The following DCLK1 variants were observed in gnomAD, a reference collection of about 807,000 sequenced individuals.
DCLK1 encodes serine/threonine-protein kinase DCLK1.
In DCLK1, 16 loss-of-function variants were observed where a neutral mutation model predicts 86.2. That is an observed-to-expected ratio of 0.19 (90% CI 0.13 to 0.28). The LOEUF (loss-of-function observed/expected upper bound fraction) is 0.28. Among genes scored for constraint, DCLK1 ranks in the 10% least tolerant of loss-of-function variants. The probability of loss-of-function intolerance (pLI) is 1.00; values close to 1 mark genes in which losing one functional copy is unlikely to be tolerated. For missense variants in DCLK1, 590 were observed against 940.2 expected (o/e 0.63, Z 4.87); for synonymous variants, 369 against 370.5 (o/e 1.00, Z 0.05).
chr13:35,941,689 CA>C (rs60590182), intron 4 of DCLK1, among the ~76,000 whole-genome samples: 3,659 of 152,306 alleles, frequency 0.024, 186 homozygotes, highest in East Asian at 0.22. Flanking sequence ...ATAAACACAG[CA>C]AACATACAAA....
At chr13:36,054,928 A>G (rs2153157908) in intron 3 of DCLK1, among the ~76,000 whole-genome samples, 1 of 152,312 alleles carries the variant, frequency 6.6e-6, no homozygotes, top group African/African-American at 2.4e-5. Context: ...GATATGAACC[A>G]TGGCATCATG....
At chr13:36,098,317 C>T (rs150890544) in intron 3 of DCLK1, among the ~76,000 whole-genome samples, 42 of 152,312 alleles carry the variant, frequency 2.8e-4, no homozygotes, top group African/African-American at 1.0e-3. Context: ...TGATTCATTA[C>T]ACAAGGTGTT....
chr13:35,825,808 CTTTTCT>C (rs1056156355), intron 10 of DCLK1, among the ~76,000 whole-genome samples: 1 of 115,258 alleles, frequency 8.7e-6, no homozygotes, highest in South Asian at 3.2e-4. Context: ...ATGAAATCGA[CTTTTCT>C]TTTTTATTTT....
At chr13:36,072,522 T>C (rs190742975) in intron 3 of DCLK1, among the ~76,000 whole-genome samples, 2 of 152,358 alleles carry the variant, frequency 1.3e-5, no homozygotes, top group Admixed American at 1.3e-4. Flanking sequence ...CAGACTTCTT[T>C]CCTGAATTCC....
intron 3 of DCLK1, among the ~76,000 whole-genome samples, chr13:36,002,980 C>T (rs1285558598): frequency 6.6e-6 from 1 of 152,208 alleles, no homozygotes; most frequent in East Asian, 1.9e-4. Flanking sequence ...CTCTCCTCTC[C>T]ATGTGACCAA....
intron 16 of DCLK1, among the ~76,000 whole-genome samples, chr13:35,785,713 C>CAGCA (rs2086609270): frequency 6.6e-6 from 1 of 152,146 alleles, no homozygotes; most frequent in African/African-American, 2.4e-5. Flanking sequence ...GTTCGGCTTA[C>CAGCA]AGCAGTAAAA....
At chr13:35,950,643 T>C (rs2153134112) in intron 3 of DCLK1, among the ~76,000 whole-genome samples, 1 of 152,336 alleles carries the variant, frequency 6.6e-6, no homozygotes, top group South Asian at 2.1e-4. Context: ...CATGAATTCA[T>C]TGCTCAGTAG....
intron 3 of DCLK1, among the ~76,000 whole-genome samples, chr13:36,064,117 C>T (rs573269905): frequency 1.3e-5 from 2 of 152,234 alleles, no homozygotes; most frequent in Admixed American, 6.5e-5. Flanking sequence ...ACTATTCACA[C>T]GTGATGTTAT....
intron 4 of DCLK1, among the ~76,000 whole-genome samples, chr13:35,925,470 T>C (rs977428729): frequency 7.2e-5 from 11 of 152,244 alleles, no homozygotes; most frequent in Admixed American, 1.3e-4. Context: ...CGATGCCATA[T>C]ATTAGCTAGC....
chr13:35,813,676 C>A (rs2087200816), intron 11 of DCLK1, among the ~76,000 whole-genome samples: 1 of 145,968 alleles, frequency 6.9e-6, no homozygotes, highest in Non-Finnish European at 1.5e-5. Context: ...TTGTGATGTT[C>A]TTTTTATTCC....
intron 3 of DCLK1, among the ~76,000 whole-genome samples, chr13:36,100,212 A>AAC (rs1885166263): frequency 2.4e-5 from 2 of 83,154 alleles, no homozygotes; most frequent in African/African-American, 3.9e-5. Context: ...AAAAAAAAAA[A>AAC]ACCACACACA....
At chr13:35,968,746 T>C (rs774714122) in intron 3 of DCLK1, among the ~76,000 whole-genome samples, 6 of 151,898 alleles carry the variant, frequency 4.0e-5, no homozygotes, top group South Asian at 2.1e-4. Context: ...GATCATAGAT[T>C]CTCAGGCTTA....
In DCLK1 at chr13:35,818,825, G is replaced by GTCAT. The variant is rs373106815; in HGVS notation, c.1554+3900_1554+3903dup. On this transcript the variant is annotated intron_variant, in intron 11 of 16. Coordinates refer to ENST00000360631, the MANE Select transcript of DCLK1 (RefSeq NM_001330071.2). ...TTTAATTAAGCAAAAAGTTCCTTTA[G>GTCAT]TCATGAACCATCATGGCATGCATAC... Among the ~76,000 whole-genome samples the GTCAT allele has an allele frequency of 2.8e-3, 430 of 151,510 alleles. 2 individuals carry two copies. Among genetic ancestry groups the GTCAT allele is most frequent in the African/African-American group, 9.6e-3 (398 of 41,298 alleles).
chr13:35,988,990 G>C (rs570919225), intron 3 of DCLK1, among the ~76,000 whole-genome samples: 1 of 152,152 alleles, frequency 6.6e-6, no homozygotes, highest in South Asian at 2.1e-4. Flanking sequence ...TTGCCTGCAG[G>C]TGCTCTCTCA....
At chr13:35,936,887 A>G (rs998096553) in intron 4 of DCLK1, among the ~76,000 whole-genome samples, 2 of 152,070 alleles carry the variant, frequency 1.3e-5, no homozygotes, top group African/African-American at 2.4e-5. Context: ...AATCAACCAC[A>G]TTAATAAAGA....
At chr13:35,815,834 C>T (rs1019679972) in intron 11 of DCLK1, among the ~76,000 whole-genome samples, 2 of 151,814 alleles carry the variant, frequency 1.3e-5, no homozygotes, top group Non-Finnish European at 2.9e-5. Flanking sequence ...TTTATACCTA[C>T]ATGTAAAATA....
chr13:35,870,254 A>T (rs1872170501), intron 5 of DCLK1, among the ~76,000 whole-genome samples: 1 of 152,156 alleles, frequency 6.6e-6, no homozygotes, highest in Non-Finnish European at 1.5e-5. Context: ...ATCTGTCTAG[A>T]GAATAGCAGT....
chr13:35,976,534 T>G (rs901080465), intron 3 of DCLK1, among the ~76,000 whole-genome samples: 1 of 116,986 alleles, frequency 8.5e-6, no homozygotes, highest in Non-Finnish European at 1.9e-5. Flanking sequence ...GGTTTTTTTT[T>G]TTTTTTTTTT....
intron 3 of DCLK1, among the ~76,000 whole-genome samples, chr13:36,051,163 G>T (rs1205423998): frequency 6.6e-6 from 1 of 152,102 alleles, no homozygotes; most frequent in African/African-American, 2.4e-5. Context: ...GAAGATAAAA[G>T]CACCATAATC....
Sources: allele counts gnomAD v4.1 joint callset (sites outside exome capture counted in the v4.1 genomes callset), GRCh38; gene constraint gnomAD v4.1.1; transcripts MANE v1.5; gene names NCBI Gene and HGNC (gene_info 2026-07-23, HGNC 2026-07-21).